The following LEMD1 variants were observed in gnomAD, a reference collection of about 807,000 sequenced individuals.
LEMD1 encodes LEM domain containing 1.
A neutral mutation model predicts 17.4 loss-of-function variants in LEMD1; 18 were observed. The observed-to-expected ratio is 1.04, with a 90% CI of 0.72 to 1.54. The LOEUF is 1.54. LEMD1 is among the 40% of genes most tolerant of loss of function. LEMD1 has a pLI of 0.00. For synonymous variants in LEMD1, 88 were observed against 77.8 expected (o/e 1.13, Z -0.69); for missense variants, 195 against 210.4 (o/e 0.93, Z 0.45).
At chr1:205,400,429 T>C (rs1268586064) in intron 4 of LEMD1, among the ~76,000 whole-genome samples, 2 of 152,164 alleles carry the variant, frequency 1.3e-5, no homozygotes, top group African/African-American at 4.8e-5. Flanking sequence ...CACAGTGACA[T>C]TGTTTGTCCC....
At chr1:205,427,521 C>A (rs916322027) in intron 1 of LEMD1, among the ~76,000 whole-genome samples, 2 of 150,458 alleles carry the variant, frequency 1.3e-5, no homozygotes, top group African/African-American at 4.9e-5. Context: ...GAGAGAGAGA[C>A]AGACAGAGCG....
At chr1:205,417,906 G>A (rs569427733) in intron 3 of LEMD1, among the ~76,000 whole-genome samples, 12 of 151,698 alleles carry the variant, frequency 7.9e-5, no homozygotes, top group Admixed American at 4.6e-4. Context: ...GTATGGAGTG[G>A]AAAGAGCAAA....
chr1:205,435,491 G>A (rs1444926127), intron 1 of LEMD1: 2 of 152,254 alleles, frequency 1.3e-5, no homozygotes, highest in Admixed American at 6.5e-5. Flanking sequence ...TAGGCAGAAA[G>A]ACTGGACAAA....
chr1:205,416,790 G>T (rs1451243023), intron 3 of LEMD1, among the ~76,000 whole-genome samples: 1 of 152,192 alleles, frequency 6.6e-6, no homozygotes, highest in East Asian at 1.9e-4. Flanking sequence ...AAACCTAGAG[G>T]AATGGTGGAG....
At chr1:205,446,586 G>A (rs1666393121) in intron 1 of LEMD1, among the ~76,000 whole-genome samples, 1 of 152,222 alleles carries the variant, frequency 6.6e-6, no homozygotes, top group South Asian at 2.1e-4. Flanking sequence ...CAGTTGCAGG[G>A]GGCAGGAAGG....
chr1:205,399,337 G>A (rs1010418734), intron 4 of LEMD1, among the ~76,000 whole-genome samples: 1 of 152,170 alleles, frequency 6.6e-6, no homozygotes, highest in Non-Finnish European at 1.5e-5. Flanking sequence ...TGATTAGAAA[G>A]AACATTGGGT....
At position 205,400,944 on chromosome 1, in the gene LEMD1, G is replaced by A. The variant is rs537079759; in HGVS notation, c.270+15288C>T. ...TCCCATCTATGAGTGAGAACATGTG[G>A]TGTTTGGTTTTTTGTCCTTGCGATA... On this transcript the variant is annotated intron_variant, in intron 4 of 5. Transcript: ENST00000367153. 3.4e-5 allele frequency among the ~76,000 whole-genome samples: 5 copies of A among 149,008 alleles called. No individual in the cohort carries two copies. In the East Asian group the frequency reaches 8.0e-4, roughly 24 times the overall value.
chr1:205,449,207 A>T (rs1666453821), intron 1 of LEMD1, among the ~76,000 whole-genome samples: 1 of 152,134 alleles, frequency 6.6e-6, no homozygotes, highest in African/African-American at 2.4e-5. Context: ...TGGATTGAAG[A>T]GCTGAGTTAA....
At chr1:205,385,263 T>C (rs565355469) in intron 4 of LEMD1, 2 of 152,280 alleles carry the variant, frequency 1.3e-5, no homozygotes, top group East Asian at 1.9e-4. Flanking sequence ...AGTGGCACGA[T>C]CTTGGCTAAC....
At chr1:205,397,350 A>G (rs1017542375) in intron 4 of LEMD1, among the ~76,000 whole-genome samples, 8 of 152,138 alleles carry the variant, frequency 5.3e-5, no homozygotes, top group African/African-American at 1.7e-4. Flanking sequence ...GTCTTGGGCA[A>G]GTCATATTCC....
chr1:205,430,656 G>A (rs1362103913), intron 1 of LEMD1, among the ~76,000 whole-genome samples: 1 of 152,148 alleles, frequency 6.6e-6, no homozygotes, highest in African/African-American at 2.4e-5. Context: ...GTGGCCAAAG[G>A]AAGAGCCGGT....
intron 1 of LEMD1, among the ~76,000 whole-genome samples, chr1:205,442,916 G>C (rs1468371063): frequency 6.6e-6 from 1 of 152,168 alleles, no homozygotes; most frequent in Non-Finnish European, 1.5e-5. Context: ...AACATGCTGT[G>C]TCATCCTAAG....
chr1:205,392,703 A>T (rs1157608839), intron 4 of LEMD1, among the ~76,000 whole-genome samples: 4 of 152,200 alleles, frequency 2.6e-5, no homozygotes. Context: ...ACAGTGTCTC[A>T]GGGTCTCATG....
At chr1:205,385,617 GCTCA>G (rs1663965623) in intron 4 of LEMD1, 1 of 152,264 alleles carries the variant, frequency 6.6e-6, no homozygotes, top group Admixed American at 6.5e-5. Context: ...GTCCAAAACA[GCTCA>G]CTATCAAGCA....
chr1:205,432,205 G>T (rs1469654520), intron 1 of LEMD1, among the ~76,000 whole-genome samples: 2 of 152,202 alleles, frequency 1.3e-5, no homozygotes, highest in African/African-American at 4.8e-5. Flanking sequence ...GAGGGAGGAG[G>T]GCTGAAGAGT....
chr1:205,412,112 A>T (rs1665479606), intron 4 of LEMD1, among the ~76,000 whole-genome samples: 1 of 152,222 alleles, frequency 6.6e-6, no homozygotes. Flanking sequence ...CATACTGGTC[A>T]GGATGATAAA....
chr1:205,422,617 C>T (rs996392642), upstream of LEMD1, among the ~76,000 whole-genome samples: 2 of 134,722 alleles, frequency 1.5e-5, no homozygotes, highest in Admixed American at 1.7e-4. Context: ...TTATCATCTA[C>T]ATCGCAAAAG....
intron 1 of LEMD1, among the ~76,000 whole-genome samples, chr1:205,428,580 TA>T (rs1666087293): frequency 6.6e-6 from 1 of 152,142 alleles, no homozygotes; most frequent in African/African-American, 2.4e-5. Flanking sequence ...CAGAATGTGA[TA>T]ATGAGACAGA....
chr1:205,387,334 G>T (rs1363574293), intron 4 of LEMD1: 2 of 151,934 alleles, frequency 1.3e-5, no homozygotes, highest in East Asian at 3.8e-4. Context: ...TTAATAAACG[G>T]TATAAATTGT....
Sources: allele counts gnomAD v4.1 joint callset (sites outside exome capture counted in the v4.1 genomes callset), GRCh38; gene constraint gnomAD v4.1.1; transcripts MANE v1.5; gene names NCBI Gene and HGNC (gene_info 2026-07-23, HGNC 2026-07-21).